TRAPPC9: variants seen among roughly 807,000 people sequenced by gnomAD.
TRAPPC9 encodes the protein trafficking protein particle complex subunit 9, also known as IKK2 binding protein.
Under a neutral mutation model 124.0 loss-of-function variants are expected in TRAPPC9, and 83 were observed. That is an observed-to-expected ratio of 0.67 (90% CI 0.56 to 0.80). The LOEUF (loss-of-function observed/expected upper bound fraction) is 0.80. Ranked by LOEUF, TRAPPC9 falls within the 30% of genes least tolerant of loss-of-function variation. The pLI, the probability that TRAPPC9 is intolerant of heterozygous loss-of-function variation, is 0.00. For missense variants in TRAPPC9, 1,302 were observed against 1,508.3 expected, an observed-to-expected ratio of 0.86 and a Z score of 2.27; for synonymous variants, 638 against 617.5, an observed-to-expected ratio of 1.03 and a Z score of -0.49.
rs184526090 is a variant in TRAPPC9, at chr8:140,415,515, C to T, written c.887-9817G>A. 2.0e-5 allele frequency among the ~76,000 whole-genome samples: 3 copies of T among 151,706 alleles called. No individual in the cohort carries two copies. In the East Asian group the frequency reaches 5.8e-4, roughly 29 times the overall value. On this transcript the variant is annotated intron_variant, in intron 5 of 22. Coordinates refer to ENST00000438773, the MANE Select transcript of TRAPPC9 (RefSeq NM_001160372.4). ...GGTTGCAAGTGAGCCGAGATCATGG[C>T]ACTGCACTCCAGCCTGGGTGACAGA...
At chr8:140,122,388 T>G (rs903700310) in intron 17 of TRAPPC9, among the ~76,000 whole-genome samples, 3 of 152,196 alleles carry the variant, frequency 2.0e-5, no homozygotes, top group Admixed American at 6.5e-5. Context: ...ATAGAAACTG[T>G]GTGCTAATTA....
chr8:139,817,731 G>T (rs1245910680), intron 21 of TRAPPC9, among the ~76,000 whole-genome samples: 2 of 152,216 alleles, frequency 1.3e-5, no homozygotes, highest in Non-Finnish European at 2.9e-5. Context: ...TTCCTCCACT[G>T]CTGGGGACCA....
intron 10 of TRAPPC9, among the ~76,000 whole-genome samples, chr8:140,303,448 G>A (rs2066038960): frequency 6.6e-6 from 1 of 152,192 alleles, no homozygotes; most frequent in African/African-American, 2.4e-5. Flanking sequence ...TGGCTACTGT[G>A]TACACACTGT....
At chr8:139,889,459 C>T (rs767723913) in intron 20 of TRAPPC9, among the ~76,000 whole-genome samples, 12 of 152,116 alleles carry the variant, frequency 7.9e-5, no homozygotes, top group Non-Finnish European at 1.5e-4. Context: ...TGAGAACAAA[C>T]GTTTCCAGGA....
In TRAPPC9 at chr8:140,360,825, C is replaced by G. The variant is rs549246576; in HGVS notation, c.1352-632G>C. Among the ~76,000 whole-genome samples, 4 of 152,266 alleles carry G rather than the reference C, an allele frequency of 2.6e-5. No homozygotes were observed. The East Asian group carries it at 7.7e-4, about 29-fold the overall frequency. ...CACAGCTTACTGCAGTCTGGACCTC[C>G]AGGGCTCAAGCAATCAATCCTCCCA... On this transcript the variant is annotated intron_variant, in intron 8 of 22. Coordinates refer to ENST00000438773, the MANE Select transcript of TRAPPC9 (RefSeq NM_001160372.4).
At chr8:140,117,199 G>C (rs1347699790) in intron 17 of TRAPPC9, among the ~76,000 whole-genome samples, 1 of 152,186 alleles carries the variant, frequency 6.6e-6, no homozygotes, top group East Asian at 1.9e-4. Context: ...GTAAAGTGGA[G>C]ATAATATGTT....
At chr8:140,382,147 G>A (rs1246589752) in intron 7 of TRAPPC9, among the ~76,000 whole-genome samples, 2 of 152,198 alleles carry the variant, frequency 1.3e-5, no homozygotes, top group Non-Finnish European at 2.9e-5. Flanking sequence ...GCCATAAGAA[G>A]GAATGAAGTG....
chr8:140,116,166 G>C (rs964036986), intron 17 of TRAPPC9, among the ~76,000 whole-genome samples: 1 of 152,166 alleles, frequency 6.6e-6, no homozygotes, highest in African/African-American at 2.4e-5. Flanking sequence ...CTGTCTGATG[G>C]GCGAAGGGGG....
intron 21 of TRAPPC9, among the ~76,000 whole-genome samples, chr8:139,768,927 A>G (rs1820764951): frequency 6.6e-6 from 1 of 152,202 alleles, no homozygotes; most frequent in African/African-American, 2.4e-5. Flanking sequence ...TTATAAGAGG[A>G]GATTAAAACA....
chr8:140,130,854 T>A (rs1454409956), intron 17 of TRAPPC9, among the ~76,000 whole-genome samples: 1 of 152,162 alleles, frequency 6.6e-6, no homozygotes, highest in Non-Finnish European at 1.5e-5. Flanking sequence ...TCAAAATTTT[T>A]AAAAATCACA....
intron 15 of TRAPPC9, among the ~76,000 whole-genome samples, chr8:140,275,410 C>T (rs1030841168): frequency 6.6e-6 from 1 of 152,144 alleles, no homozygotes. Flanking sequence ...GGTGTGTGCT[C>T]GGTCCCACTG....
intron 7 of TRAPPC9, among the ~76,000 whole-genome samples, chr8:140,385,097 A>G (rs987221943): frequency 1.3e-5 from 2 of 152,246 alleles, no homozygotes; most frequent in African/African-American, 4.8e-5. Flanking sequence ...TGAAGGCGGA[A>G]ATAAAGATGT....
rs564646451 is a variant in TRAPPC9 at position 139,902,463 on chromosome 8, G to A, written c.2964+7684C>T. ...GGGAGATTAAAGGCCTCAGAACCAC[G>A]TTATTACAAACAGCTATAAAAGCCA... On this transcript the variant is annotated intron_variant, in intron 20 of 22. Transcript: ENST00000438773. 3.9e-4 allele frequency among the ~76,000 whole-genome samples: 59 copies of A among 152,292 alleles called. No individual in the cohort carries two copies. In the South Asian group the frequency reaches 0.01, roughly 26 times the overall value.
chr8:140,458,315 C>T (rs1331591334), upstream of TRAPPC9: 1 of 1,569,928 alleles, frequency 6.4e-7, no homozygotes, highest in South Asian at 1.2e-5. Flanking sequence ...AATTTCACTT[C>T]CTCTGTGAAG....
intron 21 of TRAPPC9, among the ~76,000 whole-genome samples, chr8:139,853,046 C>T (rs1208136991): frequency 6.6e-6 from 1 of 152,202 alleles, no homozygotes; most frequent in East Asian, 1.9e-4. Context: ...TGAGTCTAGG[C>T]TTCCCAAGAA....
At chr8:139,758,782 C>T (rs775123308) in intron 21 of TRAPPC9, among the ~76,000 whole-genome samples, 7 of 152,136 alleles carry the variant, frequency 4.6e-5, no homozygotes, top group South Asian at 4.1e-4. Flanking sequence ...GGACAGGTAG[C>T]GAAACCGGGT....
chr8:139,990,847 A>G (rs1837593303), intron 18 of TRAPPC9, among the ~76,000 whole-genome samples: 1 of 152,184 alleles, frequency 6.6e-6, no homozygotes, highest in Admixed American at 6.5e-5. Context: ...TAGGCCTCCC[A>G]AAGTGTTGGG....
chr8:140,306,177 A>C (rs1458487235), intron 10 of TRAPPC9, among the ~76,000 whole-genome samples: 1 of 152,150 alleles, frequency 6.6e-6, no homozygotes, highest in African/African-American at 2.4e-5. Context: ...TGCTTTGACA[A>C]GAAAAAGAAA....
At chr8:139,844,623 AAGGTGGAAGAGAGGC>A (rs1826950267) in intron 21 of TRAPPC9, among the ~76,000 whole-genome samples, 1 of 152,206 alleles carries the variant, frequency 6.6e-6, no homozygotes, top group African/African-American at 2.4e-5. Context: ...AGGAAGAGAA[AAGGTGGAAGAGAGGC>A]AGGTAAGAGC....
Sources: allele counts gnomAD v4.1 joint callset (sites outside exome capture counted in the v4.1 genomes callset), GRCh38; gene constraint gnomAD v4.1.1; transcripts MANE v1.5; gene names NCBI Gene and HGNC (gene_info 2026-07-23, HGNC 2026-07-21).